Variants in VAV3 observed in about 807,000 individuals in gnomAD.
VAV3 encodes the protein vav guanine nucleotide exchange factor 3, also known as guanine nucleotide exchange factor VAV3.
In VAV3, 94 loss-of-function variants were observed where a neutral mutation model predicts 131.2. That is an observed-to-expected ratio of 0.72 (90% CI 0.61 to 0.85). The LOEUF (loss-of-function observed/expected upper bound fraction) is 0.85, where lower values mean the gene tolerates loss of function less well. Among genes scored for constraint, VAV3 ranks in the 40% least tolerant of loss-of-function variants. The pLI is 0.00. For synonymous variants in VAV3, 349 were observed against 342.0 expected, an observed-to-expected ratio of 1.02 and a Z score of -0.22; for missense variants, 939 against 1,002.7, an observed-to-expected ratio of 0.94 and a Z score of 0.86.
At chr1:107,574,511 G>A (rs372933985) in intron 25 of VAV3, among the ~76,000 whole-genome samples, 13 of 152,110 alleles carry the variant, frequency 8.5e-5, no homozygotes, top group Admixed American at 4.6e-4. Context: ...AAAAAAACTC[G>A]TTAATATCTA....
intron 2 of VAV3, among the ~76,000 whole-genome samples, chr1:107,804,939 T>C (rs1666993747): frequency 6.7e-6 from 1 of 150,244 alleles, no homozygotes; most frequent in Non-Finnish European, 1.5e-5. Context: ...TACTCTTGGA[T>C]GGCAGCAGGG....
chr1:107,631,191 A>C lies in VAV3; in HGVS notation c.1914+11428T>G, dbSNP rs114916368. ...ACATAAAATATACTGTTTTATTTAC[A>C]GATATATAAAATTTATATTTATACT... On this transcript the variant is annotated intron_variant, in intron 20 of 26. Coordinates refer to ENST00000370056, the MANE Select transcript of VAV3 (RefSeq NM_006113.5). Among the ~76,000 whole-genome samples the C allele has an allele frequency of 7.5e-3, 1,142 of 152,194 alleles. 9 individuals are homozygous for C. Among genetic ancestry groups the C allele is most frequent in the South Asian group, 0.012 (57 of 4,826 alleles).
chr1:107,931,596 T>C (rs1571157270), intron 1 of VAV3, among the ~76,000 whole-genome samples: 1 of 152,240 alleles, frequency 6.6e-6, no homozygotes, highest in Non-Finnish European at 1.5e-5. Flanking sequence ...GATTATACTT[T>C]ACATATTTTA....
intron 2 of VAV3, among the ~76,000 whole-genome samples, chr1:107,869,684 G>A (rs181887805): frequency 6.6e-6 from 1 of 152,172 alleles, no homozygotes; most frequent in Admixed American, 6.5e-5. Flanking sequence ...TGTGGGAACA[G>A]GTGGTATTTG....
At chr1:107,803,994 A>G (rs1054101784) in intron 2 of VAV3, among the ~76,000 whole-genome samples, 4 of 152,020 alleles carry the variant, frequency 2.6e-5, no homozygotes, top group Non-Finnish European at 2.9e-5. Flanking sequence ...TAATATAGTC[A>G]CCTTCTCTAT....
intron 2 of VAV3, among the ~76,000 whole-genome samples, chr1:107,824,188 A>G (rs187160394): frequency 6.6e-6 from 1 of 152,316 alleles, no homozygotes; most frequent in African/African-American, 2.4e-5. Context: ...AGTAATTGTA[A>G]TGTGGTGATG....
intron 2 of VAV3, among the ~76,000 whole-genome samples, chr1:107,803,355 A>G (rs952078744): frequency 1.3e-5 from 2 of 151,880 alleles, no homozygotes; most frequent in African/African-American, 2.4e-5. Context: ...GTTCATTTGA[A>G]GTCTTTATAT....
chr1:107,876,643 TACTG>T (rs1365729934), intron 1 of VAV3, among the ~76,000 whole-genome samples: 1 of 152,104 alleles, frequency 6.6e-6, no homozygotes, highest in African/African-American at 2.4e-5. Context: ...AGGCAGACAC[TACTG>T]ACTACTTAAA....
chr1:107,795,072 T>G (rs1015115477), intron 2 of VAV3, among the ~76,000 whole-genome samples: 15 of 152,180 alleles, frequency 9.9e-5, no homozygotes, highest in African/African-American at 3.6e-4. Flanking sequence ...CCCAAATTCT[T>G]TCATCAGAGG....
chr1:107,816,235 GAAT>G (rs1368945743), intron 2 of VAV3, among the ~76,000 whole-genome samples: 16 of 152,292 alleles, frequency 1.1e-4, no homozygotes, highest in African/African-American at 3.8e-4. Context: ...ATCTATACTT[GAAT>G]AATGACTTGA....
chr1:107,869,843 T>C (rs776464175), intron 2 of VAV3, among the ~76,000 whole-genome samples: 1 of 152,218 alleles, frequency 6.6e-6, no homozygotes, highest in Non-Finnish European at 1.5e-5. Context: ...ATCATTCTTA[T>C]TCATTTGCAT....
At chr1:107,902,902 A>AT (rs1671933457) in intron 1 of VAV3, among the ~76,000 whole-genome samples, 1 of 152,204 alleles carries the variant, frequency 6.6e-6, no homozygotes, top group African/African-American at 2.4e-5. Context: ...CCAGCCATGG[A>AT]TACTGATGTT....
intron 20 of VAV3, among the ~76,000 whole-genome samples, chr1:107,620,115 G>C (rs959363350): frequency 2.6e-5 from 4 of 152,148 alleles, no homozygotes; most frequent in African/African-American, 9.7e-5. Flanking sequence ...TTAATAGACT[G>C]TGAGTTCCTT....
intron 19 of VAV3, among the ~76,000 whole-genome samples, chr1:107,676,533 T>G (rs999316481): frequency 6.6e-6 from 1 of 152,142 alleles, no homozygotes; most frequent in Non-Finnish European, 1.5e-5. Flanking sequence ...TGATATCAGT[T>G]GGAGTCCCTG....
At chr1:107,682,489 GA>G (rs1658707105) in intron 19 of VAV3, among the ~76,000 whole-genome samples, 2 of 152,010 alleles carry the variant, frequency 1.3e-5, no homozygotes, top group African/African-American at 4.8e-5. Context: ...AAGTAAACCA[GA>G]ACCCCTGTTT....
At chr1:107,845,855 A>C (rs540288061) in intron 2 of VAV3, among the ~76,000 whole-genome samples, 11 of 152,324 alleles carry the variant, frequency 7.2e-5, no homozygotes, top group Non-Finnish European at 1.5e-4. Flanking sequence ...GGGAGAATGG[A>C]ACCAAGTTCA....
At chr1:107,823,788 T>C (rs1667899668) in intron 2 of VAV3, among the ~76,000 whole-genome samples, 1 of 152,132 alleles carries the variant, frequency 6.6e-6, no homozygotes, top group Admixed American at 6.6e-5. Context: ...AGTGTCCTTA[T>C]AAGAAGAGAA....
At chr1:107,595,805 A>G (rs1490882292) in intron 25 of VAV3, among the ~76,000 whole-genome samples, 1 of 152,176 alleles carries the variant, frequency 6.6e-6, no homozygotes, top group Non-Finnish European at 1.5e-5. Context: ...ATAGACCATA[A>G]GCAGATTTGA....
chr1:107,610,025 A>G (rs957443059), intron 21 of VAV3, 60 bp from the exon 22 acceptor site: 3 of 1,530,386 alleles, frequency 2.0e-6, no homozygotes, highest in African/African-American at 1.4e-5. Flanking sequence ...TTAGAAATCA[A>G]TCATTAATTC....
Sources: gnomAD v4.1 joint callset for allele counts (sites outside exome capture counted in the v4.1 genomes callset) on GRCh38, gnomAD v4.1.1 for gene constraint, MANE v1.5 for transcripts, NCBI Gene and HGNC (gene_info 2026-07-23, HGNC 2026-07-21) for gene names.